ARL10: variants seen among roughly 807,000 people sequenced by gnomAD.
The protein encoded by ARL10 is ADP-ribosylation factor-like protein 10.
Under a neutral mutation model 26.1 loss-of-function variants are expected in ARL10, and 23 were observed. The ratio of observed to expected loss-of-function variants is 0.88; its 90% CI spans 0.63 to 1.25. The LOEUF (loss-of-function observed/expected upper bound fraction) is 1.25, where lower values mean the gene tolerates loss of function less well. Among genes scored for constraint, ARL10 ranks in the 50% most tolerant of loss-of-function variants. The pLI, the probability that ARL10 is intolerant of heterozygous loss-of-function variation, is 0.00. For missense variants in ARL10, 300 were observed against 323.6 expected (o/e 0.93, Z 0.56); for synonymous variants, 138 against 149.1 (o/e 0.93, Z 0.54).
downstream of ARL10, among the ~76,000 whole-genome samples, chr5:176,391,710 C>T (rs545485714): frequency 6.6e-6 from 1 of 152,216 alleles, no homozygotes; most frequent in Non-Finnish European, 1.5e-5. Flanking sequence ...TGGGGTGATG[C>T]GTCTGCCAGC....
chr5:176,396,606 T>TAGAG (rs374264390), intron 1 of ARL10: 54 of 981,500 alleles, frequency 5.5e-5, no homozygotes, highest in Middle Eastern at 4.1e-4. Flanking sequence ...GGCAGAAGGT[T>TAGAG]AGAGAGAGAG....
At chr5:176,405,719 C>T (rs1757080130), downstream of ARL10, 1 of 152,030 alleles carries the variant, frequency 6.6e-6, no homozygotes, top group African/African-American at 2.4e-5. Context: ...GGGACGAGCG[C>T]TGGACACTCC....
chr5:176,392,895 G>A (rs887728609), downstream of ARL10: 1 of 1,614,206 alleles, frequency 6.2e-7, no homozygotes, highest in Non-Finnish European at 8.5e-7. This position sits in a 1 kb window ranked among gnomAD's most constrained non-coding sequence, Gnocchi z 5.2. Context: ...CTCCCACTCT[G>A]TGCCTGGGGT....
At position 176,375,094 on chromosome 5, in the gene ARL10, A is replaced by ATCCATCCATCCATCCATCCCTCCATCCG; in HGVS notation, c.*3214_*3215insATCCCTCCATCCGTCCATCCATCCATCC. 1 of 149,224 alleles carries ATCCATCCATCCATCCATCCCTCCATCCG rather than the reference A, an allele frequency of 6.7e-6. No homozygotes were observed. The highest frequency in any genetic ancestry group is 2.0e-4 in the East Asian group (1 of 5,020). 9.2% of individuals were successfully genotyped at this position (149,224 alleles called of 1,614,324 possible). A position where few individuals can be genotyped will look rare whatever the true frequency, so the allele number is the denominator to read the frequency against. ...GGTGGCCTCATCCATCCATCCATCCATCCATCCATCCATCCCTCCATCCGT... is the reference window on the plus strand; with the variant it reads ...GGTGGCCTCATCCATCCATCCATCCATCCATCCATCCATCCATCCCTCCATCCGTCCATCCATCCATCCCTCCATCCGT... On this transcript the variant is annotated 3_prime_UTR_variant, in exon 4 of 4. Coordinates refer to ENST00000310389, the MANE Select transcript of ARL10 (RefSeq NM_173664.6).
chr5:176,397,777 G>A lies in ARL10; in HGVS notation c.134-3964G>A, dbSNP rs56370633. The A allele has an allele frequency of 7.2e-3, 11,156 of 1,551,894 alleles. 157 individuals carry two copies. Among genetic ancestry groups the A allele is most frequent in the Middle Eastern group, 0.059 (351 of 5,926 alleles). On this transcript the variant is annotated intron_variant, in intron 1 of 1. Transcript: ENST00000514533. ...CCAGCTGGGATGCACAGGCCCGGCC[G>A]CGCTCCTCCCCTGGCCCCTGCCAGG...
chr5:176,394,628 C>T (rs557267124), intron 1 of ARL10, among the ~76,000 whole-genome samples: 7 of 149,392 alleles, frequency 4.7e-5, no homozygotes, highest in Non-Finnish European at 8.9e-5. Context: ...TCCTGGCTAA[C>T]ACGGTGAAAC....
chr5:176,397,635 G>T (rs1209510349), intron 1 of ARL10: 1 of 1,602,064 alleles, frequency 6.2e-7, no homozygotes, highest in African/African-American at 1.4e-5. Flanking sequence ...TTCTCTACTT[G>T]TTCACTCTGG....
At chr5:176,384,194 G>A (rs1230114839), downstream of ARL10, 1 of 1,613,954 alleles carries the variant, frequency 6.2e-7, no homozygotes, top group Admixed American at 1.7e-5. Context: ...CTGGTCCGGG[G>A]GACGCCTCAG....
downstream of ARL10, among the ~76,000 whole-genome samples, chr5:176,404,846 C>A (rs1757027736): frequency 6.6e-6 from 1 of 152,228 alleles, no homozygotes. Flanking sequence ...TTGGCCAAGG[C>A]CACCCACATC....
rs1768417290 is a variant in ARL10 at position 176,368,692 on chromosome 5, G to A, written c.386-115G>A. ...TGGGGGCTGTGGGCAGTGAGCGGGG[G>A]CCCGGGGTGGGGTGGGGGCTGTGGG... On this transcript the variant is annotated intron_variant, in intron 2 of 3. Coordinates refer to ENST00000310389, the MANE Select transcript of ARL10 (RefSeq NM_173664.6). The surrounding 1 kb of genome is among the most constrained non-coding windows in gnomAD (Gnocchi z 4.1). 1 of 1,253,736 alleles carries A rather than the reference G, an allele frequency of 8.0e-7. No homozygotes were observed. The highest frequency in any genetic ancestry group is 1.6e-5 in the South Asian group (1 of 63,362). The allele number at this position is 1,253,736 out of a possible 1,614,324, so 77.7% of individuals were successfully genotyped here.
chr5:176,412,233 T>C, the ARL10 span, among the ~76,000 whole-genome samples: 2 of 150,970 alleles, frequency 1.3e-5, no homozygotes, highest in Non-Finnish European at 2.9e-5. Context: ...AAGGTCCAGC[T>C]CATAAGTCAC....
chr5:176,391,275 A>G (rs571081125), downstream of ARL10, among the ~76,000 whole-genome samples: 37 of 152,312 alleles, frequency 2.4e-4, no homozygotes, highest in African/African-American at 8.9e-4. Flanking sequence ...TGTTGGTGTC[A>G]TGGTGTCCCC....
chr5:176,408,346 C>A, the ARL10 span, among the ~76,000 whole-genome samples: 1 of 151,620 alleles, frequency 6.6e-6, no homozygotes, highest in Non-Finnish European at 1.5e-5. Context: ...ACCAGCCTGG[C>A]CAACATGATG....
At chr5:176,414,959 T>C in the ARL10 span, among the ~76,000 whole-genome samples, 11 of 152,312 alleles carry the variant, frequency 7.2e-5, no homozygotes, top group South Asian at 6.2e-4. Context: ...GTAAACATCA[T>C]TAACCAAAAT....
chr5:176,382,079 C>A (rs960876847), downstream of ARL10, among the ~76,000 whole-genome samples: 1 of 152,200 alleles, frequency 6.6e-6, no homozygotes, highest in African/African-American at 2.4e-5. Flanking sequence ...GGGCTGCTGG[C>A]CTGTCCTCAA....
In ARL10 at chr5:176,375,271, CCCATCCAT is replaced by C. The variant is rs1302156314; in HGVS notation, c.*3384_*3391del. The C allele has an allele frequency of 5.7e-3, 590 of 104,320 alleles. 4 individuals are homozygous for C. The highest frequency in any genetic ancestry group is 8.2e-3 in the Non-Finnish European group (434 of 53,146). 6.5% of individuals were successfully genotyped at this position (104,320 alleles called of 1,614,324 possible). ...ATCCTTCCATCCATCCACCCATCCA[CCCATCCAT>C]CCATCCACCCATCCATCCATCCATC... is the stretch of plus-strand genomic sequence containing the variant. On this transcript the variant is annotated 3_prime_UTR_variant, in exon 4 of 4. Coordinates refer to ENST00000310389, the MANE Select transcript of ARL10 (RefSeq NM_173664.6).
At position 176,378,544 on chromosome 5, in the gene ARL10, A is replaced by G. The variant is rs1755464922; in HGVS notation, c.*6649A>G. The G allele has an allele frequency of 1.3e-5, 2 of 152,244 alleles. No individual in the cohort carries two copies. Among genetic ancestry groups the G allele is most frequent in the Admixed American group, 1.3e-4 (2 of 15,288 alleles). 9.4% of individuals were successfully genotyped at this position (152,244 alleles called of 1,614,324 possible). On this transcript the variant is annotated 3_prime_UTR_variant, in exon 4 of 4. Coordinates refer to ENST00000310389, the MANE Select transcript of ARL10 (RefSeq NM_173664.6). Reference sequence around the variant, plus strand: ...AAAATTGTGGACTGCAAAGGCATGTATATATACATAGCATGTCTGCTATGT... The same window carrying G: ...AAAATTGTGGACTGCAAAGGCATGTGTATATACATAGCATGTCTGCTATGT...
chr5:176,369,046 C>T (rs753500418), intron 3 of ARL10, 64 bp downstream of exon 3: 23 of 1,587,962 alleles, frequency 1.4e-5, no homozygotes, highest in Admixed American at 8.9e-5. Flanking sequence ...TGGGCAGGGG[C>T]AAGGAGCGCT....
downstream of ARL10, chr5:176,384,249 C>A (rs144915498): frequency 5.6e-6 from 9 of 1,614,252 alleles, no homozygotes; most frequent in East Asian, 2.0e-4. Context: ...CCTCCATCTT[C>A]CTCTTCTGCA....
Sources: gnomAD v4.1 joint callset for allele counts (sites outside exome capture counted in the v4.1 genomes callset) on GRCh38, gnomAD v4.1.1 for gene constraint, Gnocchi (gnomAD v3.1) non-coding constraint, MANE v1.5 for transcripts, NCBI Gene and HGNC (gene_info 2026-07-23, HGNC 2026-07-21) for gene names.